Variants in DNAAF11 observed in about 807,000 individuals in gnomAD.
DNAAF11 encodes leucine rich repeat containing 6.
DNAAF11 carries 45 observed loss-of-function variants against 60.8 expected under a neutral mutation model. That is an observed-to-expected ratio of 0.74 (90% CI 0.58 to 0.95). DNAAF11 has a LOEUF of 0.95. Among genes scored for constraint, DNAAF11 ranks in the 40% least tolerant of loss-of-function variants. The pLI, the probability that DNAAF11 is intolerant of heterozygous loss-of-function variation, is 0.00. For missense variants in DNAAF11, 546 were observed against 546.2 expected (o/e 1.00, Z 0.00); for synonymous variants, 191 against 183.5 (o/e 1.04, Z -0.33).
chr8:132,587,195 A>G (rs1815998247), intron 10 of DNAAF11, among the ~76,000 whole-genome samples: 1 of 152,124 alleles, frequency 6.6e-6, no homozygotes, highest in African/African-American at 2.4e-5. Flanking sequence ...ATAGAATCAC[A>G]AATTTGGAAC....
intron 5 of DNAAF11, among the ~76,000 whole-genome samples, chr8:132,627,789 A>G (rs1820422572): frequency 6.6e-6 from 1 of 152,098 alleles, no homozygotes; most frequent in South Asian, 2.1e-4. Context: ...GCTTGGGAAG[A>G]TGAATGAGGA....
intron 7 of DNAAF11, among the ~76,000 whole-genome samples, chr8:132,616,891 T>C (rs1819215357): frequency 6.6e-6 from 1 of 152,126 alleles, no homozygotes; most frequent in Non-Finnish European, 1.5e-5. Flanking sequence ...ACCCTATTCC[T>C]ATGTCCTTCC....
intron 7 of DNAAF11, among the ~76,000 whole-genome samples, chr8:132,620,234 T>C (rs547983242): frequency 3.3e-4 from 50 of 152,158 alleles, no homozygotes; most frequent in African/African-American, 1.2e-3. Flanking sequence ...GAGTGGGTAG[T>C]GTGCTGGATT....
At chr8:132,682,337 C>T in the DNAAF11 span, among the ~76,000 whole-genome samples, 2 of 152,224 alleles carry the variant, frequency 1.3e-5, no homozygotes, top group African/African-American at 4.8e-5. Flanking sequence ...CCAGCCCCAG[C>T]CTTTCAGCCC....
At chr8:132,656,135 G>C (rs1021945894) in intron 3 of DNAAF11, among the ~76,000 whole-genome samples, 1 of 152,156 alleles carries the variant, frequency 6.6e-6, no homozygotes, top group Non-Finnish European at 1.5e-5. Flanking sequence ...AGATAAATCA[G>C]TCTACAATGA....
intron 3 of DNAAF11, among the ~76,000 whole-genome samples, chr8:132,647,577 G>A (rs1324310341): frequency 6.6e-6 from 1 of 152,106 alleles, no homozygotes; most frequent in African/African-American, 2.4e-5. Context: ...TCCAGGAGCT[G>A]GTTTTTTGAA....
chr8:132,604,767 CA>C (rs1817973217), intron 10 of DNAAF11, among the ~76,000 whole-genome samples: 1 of 151,956 alleles, frequency 6.6e-6, no homozygotes, highest in Admixed American at 6.6e-5. Context: ...TAACCCCAAC[CA>C]AAATAGAAAC....
chr8:132,675,457 G>A, intron 1 of DNAAF11, 27 bp downstream of exon 1: 2 of 1,560,628 alleles, frequency 1.3e-6, no homozygotes, highest in Non-Finnish European at 1.7e-6. Flanking sequence ...GGGAACGATC[G>A]AGGACGGAAG....
intron 1 of DNAAF11, among the ~76,000 whole-genome samples, chr8:132,665,992 G>A (rs1419448808): frequency 1.3e-5 from 2 of 152,132 alleles, no homozygotes; most frequent in Non-Finnish European, 2.9e-5. Context: ...ATTCATGCAC[G>A]AACAGAAAAT....
chr8:132,701,959 A>G, the DNAAF11 span, among the ~76,000 whole-genome samples: 2 of 152,292 alleles, frequency 1.3e-5, no homozygotes, highest in East Asian at 3.9e-4. Flanking sequence ...TTGGATAAAC[A>G]TCAAGATGTT....
intron 10 of DNAAF11, among the ~76,000 whole-genome samples, chr8:132,594,907 T>C (rs1322373573): frequency 1.3e-5 from 2 of 152,058 alleles, no homozygotes; most frequent in African/African-American, 4.8e-5. Flanking sequence ...TGGGGGTGGT[T>C]TCCCCCATGA....
chr8:132,638,042 T>G lies in DNAAF11; in HGVS notation c.322A>C (p.Asn108His). The change falls in exon 4 of 12, where the codon AAC becomes CAC. Residue 108 changes from asparagine to histidine, a missense_variant. Physicochemically the swap from Asn to His is moderately conservative, Grantham distance 68 (BLOSUM62 1). Coordinates refer to ENST00000620350, the MANE Select transcript of DNAAF11 (RefSeq NM_012472.6). ...NFIGELSSIK[N>H]LQHNIHLKEL... ...TTCAGATGGATATTGTGCTGCAAGT[T>G]TTTAATGCTGCTCAGCTCTCCAATG... 1 of 1,614,158 alleles carries G rather than the reference T, an allele frequency of 6.2e-7. No homozygotes were observed. Among genetic ancestry groups the G allele is most frequent in the Non-Finnish European group, 8.5e-7 (1 of 1,179,996 alleles).
intron 7 of DNAAF11, among the ~76,000 whole-genome samples, chr8:132,618,516 C>T (rs1586597728): frequency 9.3e-6 from 1 of 106,978 alleles, no homozygotes; most frequent in East Asian, 2.5e-4. Context: ...AGGCAACCTA[C>T]AAAATGGGAG....
chr8:132,602,542 A>G (rs1817734997), intron 10 of DNAAF11, among the ~76,000 whole-genome samples: 1 of 152,054 alleles, frequency 6.6e-6, no homozygotes, highest in Non-Finnish European at 1.5e-5. Context: ...TCTGAAAGAC[A>G]CCAAATTAAA....
chr8:132,683,372 G>C, the DNAAF11 span, among the ~76,000 whole-genome samples: 1 of 152,172 alleles, frequency 6.6e-6, no homozygotes, highest in African/African-American at 2.4e-5. Context: ...TTGAGCTAAA[G>C]ACTCCCTTTG....
intron 6 of DNAAF11, chr8:132,622,925 G>T (rs1424219985): frequency 1.1e-5 from 4 of 360,586 alleles, no homozygotes. Flanking sequence ...GCAAAAAAAT[G>T]ACCAAGACAA....
At chr8:132,615,157 C>G (rs1563623149) in intron 7 of DNAAF11, 60 bp from the exon 8 acceptor site, 1 of 970,076 alleles carries the variant, frequency 1.0e-6, no homozygotes, top group Non-Finnish European at 1.6e-6. Context: ...TATAGAAAAC[C>G]CCATCATAAA....
chr8:132,571,482 T>G lies in DNAAF11; in HGVS notation c.*824A>C, dbSNP rs1814179534. 2.8e-5 allele frequency among the ~76,000 whole-genome samples: 4 copies of G among 144,404 alleles called. No homozygotes were observed. The highest frequency in any genetic ancestry group is 5.2e-5 in the African/African-American group (2 of 38,614). 94.7% of individuals were successfully genotyped at this position (144,404 alleles called of 152,430 possible). A position where few individuals can be genotyped will look rare whatever the true frequency, so the allele number is the denominator to read the frequency against. On this transcript the variant is annotated 3_prime_UTR_variant, in exon 12 of 12. Transcript: ENST00000620350. Reference sequence around the variant, plus strand: ...AAAGAAGGAAATAGAGGAGAAGGAGTGGGATGGGGAGTAAAAAGGTGAAGA... The same window carrying G: ...AAAGAAGGAAATAGAGGAGAAGGAGGGGGATGGGGAGTAAAAAGGTGAAGA...
chr8:132,635,972 C>T (rs2130507592), intron 4 of DNAAF11, among the ~76,000 whole-genome samples: 1 of 152,064 alleles, frequency 6.6e-6, no homozygotes, highest in Middle Eastern at 3.4e-3. Context: ...TTCTCCCTCG[C>T]AGCCCCTGGA....
Sources: gnomAD v4.1 joint callset for allele counts (sites outside exome capture counted in the v4.1 genomes callset) on GRCh38, gnomAD v4.1.1 for gene constraint, MANE v1.5 for transcripts, NCBI Gene and HGNC (gene_info 2026-07-23, HGNC 2026-07-21) for gene names.